The following CUL9 variants were observed in gnomAD, a reference collection of about 807,000 sequenced individuals.
The protein encoded by CUL9 is cullin 9.
CUL9 carries 79 observed loss-of-function variants against 272.6 expected under a neutral mutation model. That is an observed-to-expected ratio of 0.29 (90% confidence interval 0.24 to 0.35). The LOEUF (loss-of-function observed/expected upper bound fraction) is 0.35. Ranked by LOEUF, CUL9 falls within the 10% of genes least tolerant of loss-of-function variation. The probability of loss-of-function intolerance (pLI) is 1.00; values close to 1 mark genes in which losing one functional copy is unlikely to be tolerated. For missense variants in CUL9, 2,532 were observed against 3,255.6 expected, an observed-to-expected ratio of 0.78 and a Z score of 5.41; for synonymous variants, 1,186 against 1,286.5, an observed-to-expected ratio of 0.92 and a Z score of 1.67.
chr6:43,200,182 C>A lies in CUL9; in HGVS notation c.3384+26C>A. The A allele has an allele frequency of 6.3e-7, 1 of 1,595,534 alleles. No homozygotes were observed. The highest frequency in any genetic ancestry group is 1.1e-5 in the South Asian group (1 of 90,336). On this transcript the variant is annotated intron_variant, in intron 14 of 40. Coordinates refer to ENST00000252050, the MANE Select transcript of CUL9 (RefSeq NM_015089.4). This position sits in a 1 kb window ranked among gnomAD's most constrained non-coding sequence, Gnocchi z 4.0. ...GTGAGGAGCGGCTGTGGGTATGCAG[C>A]TGAGAGAATGCAAGTCAGAAGCAGG...
Position 43,213,106 on chromosome 6 carries a change from C to T in CUL9, c.5213-43C>T, listed in dbSNP as rs778860871. The T allele has an allele frequency of 4.6e-5, 74 of 1,602,584 alleles. No homozygotes were observed. Among genetic ancestry groups the T allele is most frequent in the Middle Eastern group, 3.3e-4 (2 of 6,040 alleles). On this transcript the variant is annotated intron_variant, in intron 26 of 40. Coordinates refer to ENST00000252050, the MANE Select transcript of CUL9 (RefSeq NM_015089.4). This position sits in a 1 kb window ranked among gnomAD's most constrained non-coding sequence, Gnocchi z 5.7. ...ACCTCAACCCCTAAACCCCTTGTTT[C>T]GCCCATTCTGTGTCTCCACCCTTCT...
At position 43,223,988 on chromosome 6, in the gene CUL9, A is replaced by G; in HGVS notation, c.7285-107A>G. 2.0e-6 allele frequency: 2 copies of G among 1,007,908 alleles called. No homozygotes were observed. Among genetic ancestry groups the G allele is most frequent in the East Asian group, 2.4e-5 (1 of 42,086 alleles). The allele number at this position is 1,007,908 out of a possible 1,614,324, so 62.4% of individuals were successfully genotyped here. On this transcript the variant is annotated intron_variant, in intron 39 of 40. Transcript: ENST00000252050. The surrounding 1 kb of genome is among the most constrained non-coding windows in gnomAD (Gnocchi z 4.1). ...TGAAGTGCTGTGCTGGGAGGGGAGCAGTCCTAGCAGGAGCTTGGCCCTCCC... is the reference window on the plus strand; with the variant it reads ...TGAAGTGCTGTGCTGGGAGGGGAGCGGTCCTAGCAGGAGCTTGGCCCTCCC...
In CUL9 at chr6:43,221,724, C is replaced by T. The variant is rs548068156; in HGVS notation, c.6792C>T (p.Arg2264=). ...AATGTAACCATGGATTCTGCTGGCG[C>T]TGCCTCAAGTCCTGGAAGCCAAATC... ...CAKCNHGFCW[R]CLKSWKPNHK... Residue 2264 remains arginine (R), a synonymous_variant, in exon 35 of 41, where the codon CGC becomes CGT. Coordinates refer to ENST00000252050, the MANE Select transcript of CUL9 (RefSeq NM_015089.4). The surrounding 1 kb of genome is among the most constrained non-coding windows in gnomAD (Gnocchi z 4.2). 26 of 1,613,852 alleles carry T rather than the reference C, an allele frequency of 1.6e-5. No individual in the cohort carries two copies. The East Asian group carries it at 4.9e-4, about 30-fold the overall frequency.
intron 11 of CUL9, among the ~76,000 whole-genome samples, chr6:43,197,642 C>G (rs534194684): frequency 6.7e-6 from 1 of 150,366 alleles, no homozygotes; most frequent in African/African-American, 2.5e-5. Context: ...CACCACCACA[C>G]CCAGCTAATT....
chr6:43,196,754 A>G lies in CUL9; in HGVS notation c.2695A>G (p.Arg899Gly). The G allele has an allele frequency of 6.2e-7, 1 of 1,614,182 alleles. No individual in the cohort carries two copies. Among genetic ancestry groups the G allele is most frequent in the Non-Finnish European group, 8.5e-7 (1 of 1,180,030 alleles). The stretch of plus-strand genomic sequence containing the variant: ...CCAAGAGCTGAGAGACACGTTGTTT[A>G]GGCACTCAGGGATAGCACCAAGAAC... ...ITQELRDTLF[R>G]HSGIAPRTEP... Residue 899 changes from arginine to glycine, a missense_variant, in exon 11 of 41, where the codon AGG becomes GGG. Physicochemically the swap from Arg to Gly is moderately radical, Grantham distance 125. Coordinates refer to ENST00000252050, the MANE Select transcript of CUL9 (RefSeq NM_015089.4).
Position 43,184,003 on chromosome 6 carries a change from G to A in CUL9, c.-9-299G>A, listed in dbSNP as rs532391187. The stretch of plus-strand genomic sequence containing the variant: ...CCTGACCTCGTGATCTGCCCACCTT[G>A]GCCTCCTAAAGTGCTGGGATTACAG... On this transcript the variant is annotated intron_variant, in intron 1 of 40. Transcript: ENST00000252050. This position sits in a 1 kb window ranked among gnomAD's most constrained non-coding sequence, Gnocchi z 4.8. 1.3e-5 allele frequency among the ~76,000 whole-genome samples: 2 copies of A among 152,168 alleles called. No homozygotes were observed. Among genetic ancestry groups the A allele is most frequent in the South Asian group, 4.1e-4 (2 of 4,820 alleles).
At chr6:43,205,952 G>T (rs992441252) in intron 24 of CUL9, 55 bp from the exon 25 acceptor site, 2 of 1,518,440 alleles carry the variant, frequency 1.3e-6, no homozygotes, top group Non-Finnish European at 1.8e-6. Context: ...CGAGGGGGAG[G>T]CTGGGCCACG....
rs1393777435 is a variant in CUL9 at position 43,221,146 on chromosome 6, C to G, written c.6589-12C>G. 6.2e-7 allele frequency: 1 copy of G among 1,609,618 alleles called. No individual in the cohort carries two copies. Among genetic ancestry groups the G allele is most frequent in the South Asian group, 1.1e-5 (1 of 90,904 alleles). The stretch of plus-strand genomic sequence containing the variant: ...GGCTCAGCTGTGTCCCCACCATGCC[C>G]TCTTGCCTTAGGCACACTACCCTGC... On this transcript the variant is annotated splice_polypyrimidine_tract_variant and intron_variant, in intron 33 of 40. Coordinates refer to ENST00000252050, the MANE Select transcript of CUL9 (RefSeq NM_015089.4). The surrounding 1 kb of genome is among the most constrained non-coding windows in gnomAD (Gnocchi z 4.2).
chr6:43,193,426 A>G (rs1333372660), intron 9 of CUL9, among the ~76,000 whole-genome samples: 1 of 152,150 alleles, frequency 6.6e-6, no homozygotes, highest in Non-Finnish European at 1.5e-5. Context: ...TGGAGACAGG[A>G]TCTTGCTATG....
intron 9 of CUL9, among the ~76,000 whole-genome samples, chr6:43,194,946 T>C (rs1042605564): frequency 6.6e-6 from 1 of 151,942 alleles, no homozygotes; most frequent in African/African-American, 2.4e-5. Context: ...TCCCAGCTAC[T>C]TGGGAGGCTG....
chr6:43,221,490 T>A lies in CUL9; in HGVS notation c.6752+169T>A. The A allele has an allele frequency of 1.1e-6, 1 of 923,600 alleles. No individual in the cohort carries two copies. Among genetic ancestry groups the A allele is most frequent in the South Asian group, 1.7e-5 (1 of 60,094 alleles). 57.2% of individuals were successfully genotyped at this position (923,600 alleles called of 1,614,324 possible). A position where few individuals can be genotyped will look rare whatever the true frequency, so the allele number is the denominator to read the frequency against. On this transcript the variant is annotated intron_variant, in intron 34 of 40. Transcript: ENST00000252050. The surrounding 1 kb of genome is among the most constrained non-coding windows in gnomAD (Gnocchi z 4.2). ...ACTTCCTGGATCTTAATGTTCCTTC[T>A]CCCACTCGTAAGTCCACACTGACTG...
intron 24 of CUL9, 75 bp from the exon 25 acceptor site, chr6:43,205,932 C>T: frequency 1.5e-6 from 2 of 1,299,926 alleles, no homozygotes; most frequent in Non-Finnish European, 2.2e-6. Flanking sequence ...GACAGAGGGA[C>T]CTACATTCTC....
chr6:43,206,487 G>A lies in CUL9; in HGVS notation c.5189G>A (p.Arg1730His), dbSNP rs200983698. ...LPTEFCDALD[R>H]FSSFYSQSQN... ...ACAGAATTCTGTGATGCCCTTGACC[G>A]TTTCTCCAGTTTCTACAGCCAGAGT... The change falls in exon 26 of 41, where the codon CGT becomes CAT. Residue 1730 changes from arginine to histidine, a missense_variant. Physicochemically the swap from Arg to His is conservative, Grantham distance 29. This residue lies in a region of CUL9 where 2,218 missense variants were observed against 2,788.6 expected (regional missense o/e 0.80). Coordinates refer to ENST00000252050, the MANE Select transcript of CUL9 (RefSeq NM_015089.4). The surrounding 1 kb of genome is among the most constrained non-coding windows in gnomAD (Gnocchi z 4.8). The A allele has an allele frequency of 7.3e-4, 1,176 of 1,614,106 alleles. No homozygotes were observed. The highest frequency in any genetic ancestry group is 8.6e-4 in the Non-Finnish European group (1,017 of 1,180,004).
intron 26 of CUL9, among the ~76,000 whole-genome samples, chr6:43,210,771 TATTA>T (rs1216841718): frequency 1.3e-4 from 20 of 152,286 alleles, no homozygotes; most frequent in Admixed American, 3.9e-4. Flanking sequence ...ATTAATTTAT[TATTA>T]ATTAATTGAC....
Position 43,200,057 on chromosome 6 carries a change from G to C in CUL9, c.3285G>C (p.Leu1095=), listed in dbSNP as rs1774380849. 5 of 1,614,136 alleles carry C rather than the reference G, an allele frequency of 3.1e-6. No homozygotes were observed. The highest frequency in any genetic ancestry group is 3.4e-6 in the Non-Finnish European group (4 of 1,180,056). ...TCCTGGACAAGCACTCAGCTCAGCT[G>C]CTGCTGGGCTGTGAGCTTCGGGACC... is the stretch of plus-strand genomic sequence containing the variant. The part of the protein sequence containing the change: ...SKVLDKHSAQ[L]LLGCELRDLV... Residue 1095 remains leucine, a synonymous_variant, in exon 14 of 41, where the codon CTG becomes CTC. Transcript: ENST00000252050. The surrounding 1 kb of genome is among the most constrained non-coding windows in gnomAD (Gnocchi z 4.0).
chr6:43,195,171 T>C (rs1335725997), intron 9 of CUL9, among the ~76,000 whole-genome samples: 1 of 152,190 alleles, frequency 6.6e-6, no homozygotes, highest in Non-Finnish European at 1.5e-5. Flanking sequence ...CATTGAGAAG[T>C]AGAAGTTGCT....
At chr6:43,211,522 C>T (rs1775485155) in intron 26 of CUL9, among the ~76,000 whole-genome samples, 1 of 152,144 alleles carries the variant, frequency 6.6e-6, no homozygotes, top group South Asian at 2.1e-4. Flanking sequence ...CGTGCCACTG[C>T]ACTCCAGCCT....
rs1772989465 is a variant in CUL9, at chr6:43,187,004, C to T, written c.1296C>T (p.His432=). Residue 432 remains histidine (H), a synonymous_variant, in exon 5 of 41, where the codon CAC becomes CAT. Coordinates refer to ENST00000252050, the MANE Select transcript of CUL9 (RefSeq NM_015089.4). Reference sequence around the variant, plus strand: ...GCCGCACTTACTGGGTGCACTGGCACATGCTGGAGATCCTGGGCCCTGAGG... The same window carrying T: ...GCCGCACTTACTGGGTGCACTGGCATATGCTGGAGATCCTGGGCCCTGAGG... ...STGRTYWVHW[H]MLEILGPEEA... 6 of 1,614,126 alleles carry T rather than the reference C, an allele frequency of 3.7e-6. No individual in the cohort carries two copies. The highest frequency in any genetic ancestry group is 5.1e-6 in the Non-Finnish European group (6 of 1,179,976).
intron 1 of CUL9, among the ~76,000 whole-genome samples, chr6:43,182,488 C>T (rs1772482367): frequency 6.6e-6 from 1 of 151,276 alleles, no homozygotes; most frequent in Non-Finnish European, 1.5e-5. Flanking sequence ...TTGGGCTTGA[C>T]CTTGCTATCT....
Sources: gnomAD v4.1 joint callset for allele counts (sites outside exome capture counted in the v4.1 genomes callset) on GRCh38, gnomAD v4.1.1 for gene constraint, gnomAD v4.1.1 regional missense constraint, Gnocchi (gnomAD v3.1) non-coding constraint, MANE v1.5 for transcripts, NCBI Gene and HGNC (gene_info 2026-07-23, HGNC 2026-07-21) for gene names.